The following ATP9B variants were observed in gnomAD, a reference collection of about 807,000 sequenced individuals.
ATP9B encodes probable phospholipid-transporting ATPase IIB.
A neutral mutation model predicts 146.1 loss-of-function variants in ATP9B; 110 were observed. The ratio of observed to expected loss-of-function variants is 0.75; its 90% CI spans 0.65 to 0.88. The LOEUF (loss-of-function observed/expected upper bound fraction) is 0.88, where lower values mean the gene tolerates loss of function less well. Among genes scored for constraint, ATP9B ranks in the 40% least tolerant of loss-of-function variants. The pLI, the probability that ATP9B is intolerant of heterozygous loss-of-function variation, is 0.00. For missense variants in ATP9B, 1,499 were observed against 1,496.4 expected (o/e 1.00, Z -0.03); for synonymous variants, 604 against 569.7 (o/e 1.06, Z -0.86).
At chr18:79,238,336 G>C (rs1173184882) in intron 11 of ATP9B, among the ~76,000 whole-genome samples, 1 of 152,096 alleles carries the variant, frequency 6.6e-6, no homozygotes, top group Non-Finnish European at 1.5e-5. Context: ...AAGGCTGTGG[G>C]GAGGTCAGTT....
At chr18:79,278,196 G>A (rs1348062807) in intron 13 of ATP9B, among the ~76,000 whole-genome samples, 1 of 152,164 alleles carries the variant, frequency 6.6e-6, no homozygotes, top group African/African-American at 2.4e-5. Context: ...GTCCATAGAA[G>A]ACACAGAGGC....
chr18:79,249,198 A>C lies in ATP9B; in HGVS notation c.1108-4183A>C, dbSNP rs1452514579. Among the ~76,000 whole-genome samples, 3 of 152,346 alleles carry C rather than the reference A, an allele frequency of 2.0e-5. No homozygotes were observed. In the East Asian group the frequency reaches 5.8e-4, roughly 29 times the overall value. On this transcript the variant is annotated intron_variant, in intron 11 of 29. Coordinates refer to ENST00000426216, the MANE Select transcript of ATP9B (RefSeq NM_198531.5). The stretch of plus-strand genomic sequence containing the variant: ...CCATTAGCTATTTAAAACTTGGTAC[A>C]TAAATTAAAGAGGAGCTAAATGGAT...
At chr18:79,329,489 C>A (rs2096778909) in intron 16 of ATP9B, among the ~76,000 whole-genome samples, 187 bp downstream of exon 16, 1 of 151,392 alleles carries the variant, frequency 6.6e-6, no homozygotes, top group Non-Finnish European at 1.5e-5. Flanking sequence ...TACTGTGTCT[C>A]TAGTGAGATA....
chr18:79,198,337 A>G (rs911166007), intron 9 of ATP9B, among the ~76,000 whole-genome samples: 3 of 152,230 alleles, frequency 2.0e-5, no homozygotes, highest in African/African-American at 7.2e-5. Context: ...CCGTACCAAC[A>G]CTAATCAAAG....
intron 15 of ATP9B, among the ~76,000 whole-genome samples, chr18:79,311,038 G>C (rs1202207989): frequency 6.6e-6 from 1 of 152,090 alleles, no homozygotes; most frequent in African/African-American, 2.4e-5. Flanking sequence ...TGTAATCCCA[G>C]CTACTTGGAA....
intron 26 of ATP9B, among the ~76,000 whole-genome samples, chr18:79,368,756 C>T (rs571485518): frequency 3.3e-5 from 5 of 151,902 alleles, no homozygotes; most frequent in South Asian, 4.2e-4. Flanking sequence ...GAAGAGCTGT[C>T]GGGAACGTCA....
At chr18:79,160,802 C>T (rs1039809223) in intron 7 of ATP9B, among the ~76,000 whole-genome samples, 5 of 152,032 alleles carry the variant, frequency 3.3e-5, no homozygotes, top group African/African-American at 4.8e-5. Flanking sequence ...GAGGAGGTCT[C>T]GCTTTGTCAC....
chr18:79,103,275 T>G (rs1353551749), intron 2 of ATP9B, among the ~76,000 whole-genome samples: 1 of 146,646 alleles, frequency 6.8e-6, no homozygotes, highest in East Asian at 1.9e-4. Context: ...TAGTTTTTTT[T>G]TTTTTTTTTT....
At chr18:79,245,950 C>G (rs1385143891) in intron 11 of ATP9B, among the ~76,000 whole-genome samples, 11 of 146,744 alleles carry the variant, frequency 7.5e-5, no homozygotes, top group African/African-American at 2.3e-4. Flanking sequence ...ACTGACTGCG[C>G]GGAGGGCACC....
At chr18:79,087,557 T>C (rs959155596) in intron 1 of ATP9B, 3 of 152,266 alleles carry the variant, frequency 2.0e-5, no homozygotes, top group Non-Finnish European at 4.4e-5. Context: ...GTGTTTATTT[T>C]TAAAGAAGCT....
intron 8 of ATP9B, among the ~76,000 whole-genome samples, chr18:79,186,827 C>G (rs1192593005): frequency 1.3e-5 from 2 of 152,194 alleles, no homozygotes; most frequent in African/African-American, 4.8e-5. Context: ...AATTTGGAAA[C>G]TAGCCTGCAC....
intron 7 of ATP9B, among the ~76,000 whole-genome samples, chr18:79,163,917 GAGAC>G (rs756646232): frequency 3.4e-4 from 50 of 145,140 alleles, no homozygotes; most frequent in South Asian, 2.2e-3. Context: ...GGGGGAGACA[GAGAC>G]AGACAGACAG....
chr18:79,198,443 C>T (rs1281183564), intron 9 of ATP9B, among the ~76,000 whole-genome samples: 1 of 152,112 alleles, frequency 6.6e-6, no homozygotes, highest in East Asian at 1.9e-4. Context: ...AACATTTATG[C>T]ACTAATAACA....
At chr18:79,252,715 T>C (rs1248104954) in intron 11 of ATP9B, among the ~76,000 whole-genome samples, 1 of 152,172 alleles carries the variant, frequency 6.6e-6, no homozygotes, top group East Asian at 1.9e-4. Flanking sequence ...TGGACTTGCA[T>C]GTAGCGTGCC....
At chr18:79,248,932 A>G (rs565747774) in intron 11 of ATP9B, among the ~76,000 whole-genome samples, 19 of 152,342 alleles carry the variant, frequency 1.2e-4, no homozygotes, top group Admixed American at 3.3e-4. Context: ...CTGAGACTTT[A>G]CAGCATTCGA....
intron 26 of ATP9B, among the ~76,000 whole-genome samples, chr18:79,372,221 CCCCTGCCTCCTGCCCCCTCG>C (rs2097075837): frequency 7.0e-6 from 1 of 143,766 alleles, no homozygotes; most frequent in South Asian, 2.3e-4. Flanking sequence ...GCCCCCTCGT[CCCCTGCCTCCTGCCCCCTCG>C]TCCCCTGCCT....
intron 12 of ATP9B, among the ~76,000 whole-genome samples, chr18:79,261,237 C>T (rs1302787174): frequency 6.6e-6 from 1 of 152,152 alleles, no homozygotes; most frequent in Non-Finnish European, 1.5e-5. Flanking sequence ...AGAGGGTGGA[C>T]TCCCATGCAT....
intron 2 of ATP9B, among the ~76,000 whole-genome samples, chr18:79,108,325 A>G (rs1480453083): frequency 6.6e-6 from 1 of 152,226 alleles, no homozygotes; most frequent in African/African-American, 2.4e-5. Flanking sequence ...TCATTCAAGC[A>G]TAAACAGATA....
At chr18:79,345,689 A>G in intron 22 of ATP9B, 86 bp from the exon 23 acceptor site, 1 of 1,602,704 alleles carries the variant, frequency 6.2e-7, no homozygotes, top group South Asian at 1.1e-5. Flanking sequence ...CATTCATGGA[A>G]GTTTCTGAAA....
Sources: gnomAD v4.1 joint callset for allele counts (sites outside exome capture counted in the v4.1 genomes callset) on GRCh38, gnomAD v4.1.1 for gene constraint, MANE v1.5 for transcripts, NCBI Gene and HGNC (gene_info 2026-07-23, HGNC 2026-07-21) for gene names.